Variants in MYO7A observed in about 807,000 individuals in gnomAD.
The protein encoded by MYO7A is myosin VIIA.
In MYO7A, 210 loss-of-function variants were observed where a neutral mutation model predicts 263.8. That is an observed-to-expected ratio of 0.80 (90% CI 0.71 to 0.89). The LOEUF (loss-of-function observed/expected upper bound fraction) is 0.89. MYO7A is among the 40% of genes least tolerant of loss of function. MYO7A has a pLI of 0.00. For missense variants in MYO7A, 2,820 were observed against 2,968.3 expected (o/e 0.95, Z 1.16); for synonymous variants, 1,239 against 1,197.3 (o/e 1.03, Z -0.72).
At position 77,202,320 on chromosome 11, in the gene MYO7A, C is replaced by A. The variant is rs752890141; in HGVS notation, c.5064C>A (p.Pro1688=). ...CCTAGGCCCTGGTCACCATGACTCC[C>A]GATCAGAGGCAGGACGTTGTCCGGC... The part of the protein sequence containing the change: ...REIVALVTMT[P]DQRQDVVRLL... Residue 1688 remains proline (P), a synonymous_variant, in exon 37 of 49, where the codon CCC becomes CCA. Transcript: ENST00000409709. 2 of 1,586,202 alleles carry A rather than the reference C, an allele frequency of 1.3e-6. No individual in the cohort carries two copies. The highest frequency in any genetic ancestry group is 2.3e-5 in the East Asian group (1 of 43,596).
intron 2 of MYO7A, chr11:77,139,512 T>C (rs1297812440): frequency 6.6e-6 from 1 of 151,422 alleles, no homozygotes; most frequent in Non-Finnish European, 1.5e-5. Context: ...CCATACAGTG[T>C]GTAAAGTTGT....
intron 33 of MYO7A, among the ~76,000 whole-genome samples, chr11:77,198,237 G>T (rs1015411484): frequency 7.9e-5 from 12 of 152,200 alleles, no homozygotes; most frequent in African/African-American, 2.4e-4. Context: ...TCCCGCCTTA[G>T]TGCAGGGCAG....
chr11:77,166,451 C>G (rs1380635855), intron 15 of MYO7A, among the ~76,000 whole-genome samples: 9 of 152,142 alleles, frequency 5.9e-5, no homozygotes, highest in African/African-American at 2.2e-4. Flanking sequence ...GGGTTCACCC[C>G]CTGGAATCCA....
intron 16 of MYO7A, among the ~76,000 whole-genome samples, chr11:77,173,253 G>T (rs1954297759): frequency 6.6e-6 from 1 of 152,238 alleles, no homozygotes; most frequent in Non-Finnish European, 1.5e-5. Flanking sequence ...CCCACACCCA[G>T]CAAGTGCCCA....
At chr11:77,160,124 AGGCTGGCAGGTGAGCACC>A in intron 10 of MYO7A, 21 bp from the exon 11 acceptor site, 1 of 1,540,556 alleles carries the variant, frequency 6.5e-7, no homozygotes, top group Non-Finnish European at 8.8e-7. Flanking sequence ...AGGGAGGGGC[AGGCTGGCAGGTGAGCACC>A]TGGGGTGTTG....
chr11:77,180,326 C>A, intron 21 of MYO7A, 48 bp from the exon 22 acceptor site: 2 of 1,535,554 alleles, frequency 1.3e-6, no homozygotes, highest in Non-Finnish European at 1.8e-6. Flanking sequence ...ATCCCTGCAA[C>A]AACAGCTACA....
At chr11:77,198,176 G>A (rs531047426) in intron 33 of MYO7A, among the ~76,000 whole-genome samples, 10 of 152,296 alleles carry the variant, frequency 6.6e-5, no homozygotes, top group South Asian at 2.1e-4. Context: ...CAGAACCACC[G>A]AGCACCAGGG....
chr11:77,162,286 A>T lies in MYO7A; in HGVS notation c.1510A>T (p.Met504Leu). The change falls in exon 13 of 49, where the codon ATG becomes TTG. Residue 504 changes from methionine (M) to leucine (L), a missense_variant. Physicochemically the swap from Met to Leu is conservative, Grantham distance 15 (BLOSUM62 2). Coordinates refer to ENST00000409709, the MANE Select transcript of MYO7A (RefSeq NM_000260.4). ...DALDMIANKP[M>L]NIISLIDEES... is the part of the protein sequence containing the mutation. ...CCTGGACATGATTGCCAACAAGCCCATGAACATCATCTCCCTCATCGATGA... is the reference window on the plus strand; with the variant it reads ...CCTGGACATGATTGCCAACAAGCCCTTGAACATCATCTCCCTCATCGATGA... The T allele has an allele frequency of 6.4e-7, 1 of 1,552,838 alleles. No homozygotes were observed. The highest frequency in any genetic ancestry group is 1.4e-5 in the African/African-American group (1 of 73,228).
intron 44 of MYO7A, chr11:77,210,854 TTTC>T (rs2135781550): frequency 3.4e-6 from 1 of 294,374 alleles, no homozygotes; most frequent in African/African-American, 2.1e-5. Context: ...TCACTCTGAG[TTTC>T]TTCATCTTGA....
chr11:77,168,736 C>A (rs565483150), intron 15 of MYO7A, among the ~76,000 whole-genome samples: 1 of 152,094 alleles, frequency 6.6e-6, no homozygotes, highest in Non-Finnish European at 1.5e-5. Flanking sequence ...GAGTTGGAGG[C>A]CGCAGTGAGT....
At chr11:77,193,095 G>T (rs1162406989) in intron 31 of MYO7A, among the ~76,000 whole-genome samples, 4 of 136,860 alleles carry the variant, frequency 2.9e-5, no homozygotes, top group African/African-American at 1.1e-4. Flanking sequence ...TGTGATGGTG[G>T]AGGTAGTGAT....
At chr11:77,152,831 C>T (rs977975712) in intron 4 of MYO7A, among the ~76,000 whole-genome samples, 2 of 152,066 alleles carry the variant, frequency 1.3e-5, no homozygotes, top group African/African-American at 4.8e-5. Flanking sequence ...GCATCGTCTC[C>T]GCTTGAAACT....
intron 22 of MYO7A, among the ~76,000 whole-genome samples, chr11:77,180,996 C>T (rs1555083767): frequency 6.6e-6 from 1 of 152,244 alleles, no homozygotes; most frequent in African/African-American, 2.4e-5. Context: ...ACTGCTAAGA[C>T]TAATCCCACC....
intron 24 of MYO7A, 54 bp from the exon 25 acceptor site, chr11:77,182,370 A>T: frequency 6.5e-7 from 1 of 1,529,294 alleles, no homozygotes; most frequent in Admixed American, 2.0e-5. Flanking sequence ...GGTCATTTTG[A>T]CAGCTTTAGC....
At chr11:77,172,925 G>T (rs1555077407) in intron 16 of MYO7A, 40 bp downstream of exon 16, 1 of 1,529,878 alleles carries the variant, frequency 6.5e-7, no homozygotes, top group Admixed American at 2.0e-5. Flanking sequence ...TGGCGGCTAG[G>T]GTGACGTGGA....
intron 28 of MYO7A, 109 bp from the exon 29 acceptor site, chr11:77,189,911 C>A: frequency 2.8e-6 from 4 of 1,430,334 alleles, no homozygotes; most frequent in Non-Finnish European, 3.7e-6. Flanking sequence ...CCACAGAAAG[C>A]AACCTGGCCT....
Position 77,181,383 on chromosome 11 carries a change from C to T in MYO7A, c.2698C>T (p.Arg900Cys), listed in dbSNP as rs372849154. 66 of 1,559,628 alleles carry T rather than the reference C, an allele frequency of 4.2e-5. No homozygotes were observed. The highest frequency in any genetic ancestry group is 1.8e-4 in the Middle Eastern group (1 of 5,506). The stretch of plus-strand genomic sequence containing the variant: ...CTGTGTCACCCCAATTGCCCAGGAG[C>T]GCCTGGCCCAGCTGGCTCGTGAGGA... ...KEEAERKHQE[R>C]LAQLAREDAE... is the part of the protein sequence containing the mutation. Residue 900 changes from arginine (R) to cysteine (C), a missense_variant, in exon 23 of 49, where the codon CGC (arginine) becomes TGC (cysteine). Arg to Cys is a radical substitution (Grantham distance 180, BLOSUM62 -3). Coordinates refer to ENST00000409709, the MANE Select transcript of MYO7A (RefSeq NM_000260.4).
intron 34 of MYO7A, 69 bp from the exon 35 acceptor site, chr11:77,199,466 T>C: frequency 2.1e-6 from 3 of 1,411,824 alleles, no homozygotes; most frequent in South Asian, 1.6e-5. Context: ...GCCTGAGATG[T>C]GTCTGAGCTG....
At chr11:77,175,304 G>A (rs2135429180) in intron 17 of MYO7A, 68 bp from the exon 18 acceptor site, 2 of 1,440,790 alleles carry the variant, frequency 1.4e-6, no homozygotes, top group Non-Finnish European at 1.9e-6. Context: ...CTCAGCCTCG[G>A]GGACACTCCG....
Sources: gnomAD v4.1 joint callset for allele counts (sites outside exome capture counted in the v4.1 genomes callset) on GRCh38, gnomAD v4.1.1 for gene constraint, MANE v1.5 for transcripts, NCBI Gene and HGNC (gene_info 2026-07-23, HGNC 2026-07-21) for gene names.